The following PTPRG variants were observed in gnomAD, a reference collection of about 807,000 sequenced individuals.
The protein encoded by PTPRG is receptor-type tyrosine-protein phosphatase gamma.
In PTPRG, 102 loss-of-function variants were observed where a neutral mutation model predicts 165.3. The ratio of observed to expected loss-of-function variants is 0.62; its 90% confidence interval spans 0.53 to 0.73. The LOEUF is 0.73. PTPRG is among the 30% of genes least tolerant of loss of function. The probability of loss-of-function intolerance (pLI) is 0.00; values close to 1 mark genes in which losing one functional copy is unlikely to be tolerated. For missense variants in PTPRG, 1,866 were observed against 1,861.4 expected (o/e 1.00, Z -0.05); for synonymous variants, 675 against 669.5 (o/e 1.01, Z -0.13).
intron 4 of PTPRG, among the ~76,000 whole-genome samples, chr3:62,034,280 G>T (rs1699870485): frequency 6.6e-6 from 1 of 152,172 alleles, no homozygotes; most frequent in Admixed American, 6.5e-5. Flanking sequence ...GCAAACCCTA[G>T]CAGTTCAAAC....
chr3:62,149,470 A>G (rs1704246263), intron 6 of PTPRG, among the ~76,000 whole-genome samples: 1 of 152,106 alleles, frequency 6.6e-6, no homozygotes, highest in Admixed American at 6.5e-5. Flanking sequence ...GGTTTCGCCA[A>G]GTTGGCCAGG....
At chr3:62,258,108 C>G (rs183299809) in intron 16 of PTPRG, among the ~76,000 whole-genome samples, 1 of 151,572 alleles carries the variant, frequency 6.6e-6, no homozygotes, top group Admixed American at 6.6e-5. Flanking sequence ...AAATTAGGAA[C>G]CCCCCCCACT....
chr3:61,590,584 A>C (rs997015567), intron 1 of PTPRG, among the ~76,000 whole-genome samples: 1 of 152,214 alleles, frequency 6.6e-6, no homozygotes. Flanking sequence ...ACTAAGGCTT[A>C]CATCTGTTGA....
intron 1 of PTPRG, among the ~76,000 whole-genome samples, chr3:61,563,750 G>A (rs1034803174): frequency 4.6e-5 from 7 of 152,170 alleles, no homozygotes; most frequent in Non-Finnish European, 1.0e-4. Context: ...GGTGCAGCGG[G>A]TCCCTTAGTC....
intron 1 of PTPRG, among the ~76,000 whole-genome samples, chr3:61,606,815 G>A (rs935712483): frequency 1.3e-5 from 2 of 152,136 alleles, no homozygotes. Context: ...GAGCCCTCAG[G>A]GCCTCATCAC....
At chr3:62,102,228 G>GT (rs1702312756) in intron 5 of PTPRG, among the ~76,000 whole-genome samples, 2 of 151,996 alleles carry the variant, frequency 1.3e-5, no homozygotes, top group Admixed American at 1.3e-4. Context: ...AACTGTTGCC[G>GT]TGTTTGGACA....
At chr3:61,791,785 G>T (rs993714221) in intron 2 of PTPRG, among the ~76,000 whole-genome samples, 1 of 152,196 alleles carries the variant, frequency 6.6e-6, no homozygotes, top group Non-Finnish European at 1.5e-5. Flanking sequence ...ATCAGGCCCG[G>T]CCTGTTTCTA....
chr3:62,160,507 C>T (rs955115923), intron 7 of PTPRG, among the ~76,000 whole-genome samples: 6 of 152,218 alleles, frequency 3.9e-5, no homozygotes, highest in African/African-American at 1.4e-4. Flanking sequence ...AATGGGTCAC[C>T]CCAACAAAAT....
At chr3:61,701,211 C>G (rs906822378) in intron 1 of PTPRG, among the ~76,000 whole-genome samples, 2 of 152,270 alleles carry the variant, frequency 1.3e-5, no homozygotes, top group South Asian at 4.1e-4. Flanking sequence ...ATGCTGAGCT[C>G]TCTGATTCTT....
chr3:61,964,334 G>A (rs2040220458), intron 2 of PTPRG, among the ~76,000 whole-genome samples: 1 of 152,196 alleles, frequency 6.6e-6, no homozygotes, highest in Non-Finnish European at 1.5e-5. Flanking sequence ...TATAAAGTGT[G>A]AATGAGGCGG....
chr3:62,128,416 A>G (rs554623107), intron 5 of PTPRG, among the ~76,000 whole-genome samples: 11 of 152,236 alleles, frequency 7.2e-5, no homozygotes, highest in Admixed American at 6.5e-4. Context: ...TAAAACATAA[A>G]TTTGGATCTT....
At chr3:62,178,139 A>G (rs1382268359) in intron 8 of PTPRG, among the ~76,000 whole-genome samples, 1 of 112,208 alleles carries the variant, frequency 8.9e-6, no homozygotes, top group African/African-American at 3.4e-5. Flanking sequence ...GGATGGGAGG[A>G]TGGATGGATG....
At chr3:61,645,188 G>C (rs1427381483) in intron 1 of PTPRG, among the ~76,000 whole-genome samples, 2 of 152,302 alleles carry the variant, frequency 1.3e-5, no homozygotes, top group Non-Finnish European at 2.9e-5. Flanking sequence ...ATTAACACCT[G>C]TTTGTTACTG....
At chr3:61,659,411 C>T in intron 1 of PTPRG, 1 of 985,274 alleles carries the variant, frequency 1.0e-6, no homozygotes, top group East Asian at 1.1e-4. Context: ...TTTGATGAGG[C>T]TGTGTACACT....
chr3:62,201,477 G>C (rs1240293760), intron 10 of PTPRG, 28 bp from the exon 11 acceptor site: 6 of 1,579,974 alleles, frequency 3.8e-6, no homozygotes, highest in Non-Finnish European at 5.2e-6. Context: ...AAGTTATATT[G>C]CTTAAATGTA....
rs1701504994 is a variant in PTPRG at position 62,254,989 on chromosome 3, T to C, written c.2468-135T>C. On this transcript the variant is annotated intron_variant, in intron 15 of 29. Coordinates refer to ENST00000474889, the MANE Select transcript of PTPRG (RefSeq NM_002841.4). The surrounding 1 kb of genome is among the most constrained non-coding windows in gnomAD (Gnocchi z 4.6). The stretch of plus-strand genomic sequence containing the variant: ...AATTCTGAGACTTTTCTTCAGGACA[T>C]CTATTTTGTGTGATACAATTATTTT... 1.6e-6 allele frequency: 1 copy of C among 637,604 alleles called. No homozygotes were observed. Among genetic ancestry groups the C allele is most frequent in the African/African-American group, 1.9e-5 (1 of 52,460 alleles). 39.5% of individuals were successfully genotyped at this position (637,604 alleles called of 1,614,324 possible).
chr3:61,936,728 C>T (rs2039493848), intron 2 of PTPRG, among the ~76,000 whole-genome samples: 1 of 152,124 alleles, frequency 6.6e-6, no homozygotes, highest in Non-Finnish European at 1.5e-5. Flanking sequence ...TAGGTTATGG[C>T]GTCTGAAATC....
At chr3:62,119,414 A>G (rs1702979296) in intron 5 of PTPRG, among the ~76,000 whole-genome samples, 1 of 152,170 alleles carries the variant, frequency 6.6e-6, no homozygotes, top group African/African-American at 2.4e-5. Flanking sequence ...GAGCTGAGGA[A>G]TGAGCGGCCT....
At chr3:62,069,435 A>G (rs1171663799) in intron 4 of PTPRG, among the ~76,000 whole-genome samples, 5 of 152,198 alleles carry the variant, frequency 3.3e-5, no homozygotes, top group Non-Finnish European at 7.3e-5. Flanking sequence ...ACATTCTCCA[A>G]GGTAGAAGCC....
Sources: allele counts gnomAD v4.1 joint callset (sites outside exome capture counted in the v4.1 genomes callset), GRCh38; gene constraint gnomAD v4.1.1; non-coding constraint Gnocchi (gnomAD v3.1); transcripts MANE v1.5; gene names NCBI Gene and HGNC (gene_info 2026-07-23, HGNC 2026-07-21).